The following RALGAPA1 variants were observed in gnomAD, a reference collection of about 807,000 sequenced individuals.
RALGAPA1 encodes the protein Ral GTPase activating protein catalytic subunit alpha 1.
RALGAPA1 carries 52 observed loss-of-function variants against 269.6 expected under a neutral mutation model. The observed-to-expected ratio is 0.19, with a 90% CI of 0.15 to 0.24. The LOEUF (loss-of-function observed/expected upper bound fraction) is 0.24, where lower values mean the gene tolerates loss of function less well. RALGAPA1 is among the 10% of genes least tolerant of loss of function. RALGAPA1 has a pLI of 1.00. For synonymous variants in RALGAPA1, 817 were observed against 1,008.3 expected, an observed-to-expected ratio of 0.81 and a Z score of 3.60; for missense variants, 1,917 against 3,013.9, an observed-to-expected ratio of 0.64 and a Z score of 8.52.
intron 16 of RALGAPA1, among the ~76,000 whole-genome samples, chr14:35,718,686 T>C (rs1344381757): frequency 1.3e-5 from 2 of 151,870 alleles, no homozygotes; most frequent in African/African-American, 4.8e-5. Flanking sequence ...CGTGGTGGCA[T>C]GTGTCTGTAG....
At chr14:35,775,485 G>C (rs916675209) in intron 2 of RALGAPA1, 150 bp downstream of exon 2, 1 of 896,002 alleles carries the variant, frequency 1.1e-6, no homozygotes, top group African/African-American at 1.8e-5. Flanking sequence ...TAAAATACAG[G>C]TCACTAGACC....
chr14:35,566,766 G>A (rs1434420309), intron 39 of RALGAPA1, among the ~76,000 whole-genome samples: 5 of 151,122 alleles, frequency 3.3e-5, no homozygotes, highest in Non-Finnish European at 5.9e-5. Context: ...AAATACAAAT[G>A]TCTAGTTGTA....
chr14:35,659,450 T>C (rs773831258), intron 27 of RALGAPA1, among the ~76,000 whole-genome samples: 10 of 152,088 alleles, frequency 6.6e-5, no homozygotes, highest in African/African-American at 9.7e-5. Context: ...GTAGAATTAA[T>C]AGCTCATAGG....
intron 16 of RALGAPA1, chr14:35,715,749 T>C (rs572307462): frequency 3.6e-4 from 354 of 985,412 alleles, no homozygotes; most frequent in Non-Finnish European, 4.1e-4. Context: ...CAATTTAACA[T>C]GGAAGTCTTC....
At position 35,774,346 on chromosome 14, in the gene RALGAPA1, C is replaced by A. The variant is rs76547066; in HGVS notation, c.267+660G>T. On this transcript the variant is annotated intron_variant, in intron 3 of 41. Transcript: ENST00000680220. ...AATTCTCAGTGAAGATCAGAATACTCCTATGACTGTTTATCTGTTTACTTT... is the reference window on the plus strand; with the variant it reads ...AATTCTCAGTGAAGATCAGAATACTACTATGACTGTTTATCTGTTTACTTT... 4.8e-3 allele frequency among the ~76,000 whole-genome samples: 730 copies of A among 152,152 alleles called. 7 individuals carry two copies. The highest frequency in any genetic ancestry group is 0.016 in the African/African-American group (676 of 41,506).
chr14:35,739,845 C>T (rs992133985), intron 11 of RALGAPA1, among the ~76,000 whole-genome samples: 2 of 152,140 alleles, frequency 1.3e-5, no homozygotes, highest in Non-Finnish European at 2.9e-5. Flanking sequence ...CCTGGTATGA[C>T]CTTCTCAAGT....
chr14:35,797,621 G>A (rs560039309), intron 1 of RALGAPA1, among the ~76,000 whole-genome samples: 5 of 151,910 alleles, frequency 3.3e-5, no homozygotes, highest in Admixed American at 1.3e-4. Flanking sequence ...CAAGGAGGGC[G>A]GATCACCTGA....
intron 39 of RALGAPA1, among the ~76,000 whole-genome samples, chr14:35,552,110 CAAAT>C (rs1408103382): frequency 1.3e-5 from 2 of 151,960 alleles, no homozygotes; most frequent in African/African-American, 2.4e-5. Flanking sequence ...TTGATGTAGC[CAAAT>C]AAATAAATAA....
intron 26 of RALGAPA1, among the ~76,000 whole-genome samples, chr14:35,667,184 G>A (rs1232931515): frequency 1.3e-5 from 2 of 151,958 alleles, no homozygotes; most frequent in Admixed American, 6.6e-5. Context: ...GGCGGATCAC[G>A]AGATCAACAG....
chr14:35,704,501 C>G (rs1448880579), intron 16 of RALGAPA1, among the ~76,000 whole-genome samples: 1 of 152,080 alleles, frequency 6.6e-6, no homozygotes, highest in Non-Finnish European at 1.5e-5. Context: ...AATAAATTCT[C>G]TTAGACTTTC....
intron 39 of RALGAPA1, among the ~76,000 whole-genome samples, chr14:35,557,619 A>G (rs1310989141): frequency 6.6e-6 from 1 of 152,198 alleles, no homozygotes; most frequent in Non-Finnish European, 1.5e-5. Flanking sequence ...AATACAATCT[A>G]TTCTGCAGTA....
chr14:35,592,206 TAAG>T (rs140856847), intron 37 of RALGAPA1, among the ~76,000 whole-genome samples: 6,669 of 152,080 alleles, frequency 0.044, 382 homozygotes, highest in South Asian at 0.14. Context: ...ACTTCAGAAA[TAAG>T]AAGGATTATA....
chr14:35,695,930 T>G (rs939180950), intron 17 of RALGAPA1, among the ~76,000 whole-genome samples: 2 of 151,942 alleles, frequency 1.3e-5, no homozygotes, highest in Non-Finnish European at 2.9e-5. Flanking sequence ...AGCCAAGGAG[T>G]GTACTTGCCC....
intron 24 of RALGAPA1, among the ~76,000 whole-genome samples, chr14:35,673,731 C>G (rs1004915718): frequency 3.3e-5 from 5 of 152,056 alleles, no homozygotes; most frequent in African/African-American, 1.2e-4. Context: ...CAGGTGCCCA[C>G]CACCATGCCC....
At position 35,671,249 on chromosome 14, in the gene RALGAPA1, C is replaced by CT. The variant is rs970557404; in HGVS notation, c.5202+139dup. ...TCTTATATTTCAGATTTCTTGCTTA[C>CT]TTTTTTTAATGTAGGAGAAGCAATC... is the stretch of plus-strand genomic sequence containing the variant. On this transcript the variant is annotated intron_variant, in intron 26 of 41. Coordinates refer to ENST00000680220, the MANE Select transcript of RALGAPA1 (RefSeq NM_001346249.2). The CT allele has an allele frequency of 1.1e-5, 7 of 615,172 alleles. No individual in the cohort carries two copies. In the Admixed American group the frequency reaches 1.7e-4, roughly 15 times the overall value. The allele number at this position is 615,172 out of a possible 1,614,324, so 38.1% of individuals were successfully genotyped here. A position where few individuals can be genotyped will look rare whatever the true frequency, so the allele number is the denominator to read the frequency against.
At chr14:35,768,800 G>C (rs1445841227) in intron 4 of RALGAPA1, among the ~76,000 whole-genome samples, 1 of 151,604 alleles carries the variant, frequency 6.6e-6, no homozygotes, top group African/African-American at 2.4e-5. Flanking sequence ...CCCGAGGTCG[G>C]GAGTTCATGA....
At chr14:35,643,096 AC>A (rs769010009) in intron 31 of RALGAPA1, among the ~76,000 whole-genome samples, 10 of 149,412 alleles carry the variant, frequency 6.7e-5, no homozygotes, top group Non-Finnish European at 7.4e-5. Flanking sequence ...AAAACCAAAC[AC>A]CGCAAGTTCT....
chr14:35,623,431 A>C (rs2060778496), intron 35 of RALGAPA1, among the ~76,000 whole-genome samples: 1 of 152,150 alleles, frequency 6.6e-6, no homozygotes, highest in Non-Finnish European at 1.5e-5. Context: ...AAAGAACACC[A>C]ACAGAGAATT....
At chr14:35,551,036 TG>T (rs1566656761) in intron 39 of RALGAPA1, among the ~76,000 whole-genome samples, 1 of 152,178 alleles carries the variant, frequency 6.6e-6, no homozygotes, top group African/African-American at 2.4e-5. Context: ...CTTTTTTCAT[TG>T]GGGGAGATTC....
Sources: allele counts gnomAD v4.1 joint callset (sites outside exome capture counted in the v4.1 genomes callset), GRCh38; gene constraint gnomAD v4.1.1; transcripts MANE v1.5; gene names NCBI Gene and HGNC (gene_info 2026-07-23, HGNC 2026-07-21).